The following CDH13 variants were observed in gnomAD, a reference collection of about 807,000 sequenced individuals.
The protein encoded by CDH13 is cadherin-13.
CDH13 carries 24 observed loss-of-function variants against 63.8 expected under a neutral mutation model. The ratio of observed to expected loss-of-function variants is 0.38; its 90% CI spans 0.27 to 0.53. The LOEUF is 0.53. CDH13 is among the 20% of genes least tolerant of loss of function. The probability of loss-of-function intolerance (pLI) is 0.85; values close to 1 mark genes in which losing one functional copy is unlikely to be tolerated. For synonymous variants in CDH13, 503 were observed against 355.3 expected (o/e 1.42, Z -4.67); for missense variants, 1,049 against 903.1 (o/e 1.16, Z -2.07).
chr16:83,226,147 C>T (rs1366079297), intron 5 of CDH13, among the ~76,000 whole-genome samples: 3 of 152,196 alleles, frequency 2.0e-5, no homozygotes, highest in Non-Finnish European at 4.4e-5. Flanking sequence ...CTCTGATCAC[C>T]TCCACCTGAC....
At chr16:83,086,322 C>T (rs1347686483) in intron 3 of CDH13, among the ~76,000 whole-genome samples, 1 of 152,220 alleles carries the variant, frequency 6.6e-6, no homozygotes, top group African/African-American at 2.4e-5. Flanking sequence ...TATTTCAATT[C>T]CAGATCTACC....
intron 2 of CDH13, among the ~76,000 whole-genome samples, chr16:82,968,459 G>A (rs954898304): frequency 6.6e-6 from 1 of 152,222 alleles, no homozygotes; most frequent in Non-Finnish European, 1.5e-5. Flanking sequence ...TTAAGTGACA[G>A]TTCTCCTAAG....
rs552378505 is a variant in CDH13 at position 83,521,280 on chromosome 16, C to T, written c.960+34625C>T. On this transcript the variant is annotated intron_variant, in intron 7 of 13. Coordinates refer to ENST00000567109, the MANE Select transcript of CDH13 (RefSeq NM_001257.5). Reference sequence around the variant, plus strand: ...TTATTATTTTAAGTTATAAAGTAATCGGCCACCCTGTATGACTGTGAGGTC... The same window carrying T: ...TTATTATTTTAAGTTATAAAGTAATTGGCCACCCTGTATGACTGTGAGGTC... 8.7e-4 allele frequency among the ~76,000 whole-genome samples: 132 copies of T among 151,922 alleles called. 2 individuals carry two copies. Among genetic ancestry groups the T allele is most frequent in the Admixed American group, 7.9e-3 (120 of 15,268 alleles).
intron 2 of CDH13, among the ~76,000 whole-genome samples, chr16:83,013,465 T>G (rs1004105358): frequency 4.6e-5 from 7 of 152,162 alleles, no homozygotes; most frequent in African/African-American, 1.7e-4. Flanking sequence ...AAGCAAGCCA[T>G]GAAGCCCACG....
chr16:82,760,545 T>C (rs1443652641), intron 1 of CDH13, among the ~76,000 whole-genome samples: 3 of 152,292 alleles, frequency 2.0e-5, no homozygotes, highest in South Asian at 2.1e-4. Context: ...GTACCAGTTA[T>C]ATGGTATTTA....
chr16:83,610,264 C>T (rs148288902), intron 8 of CDH13, among the ~76,000 whole-genome samples: 22 of 152,262 alleles, frequency 1.4e-4, no homozygotes, highest in African/African-American at 5.3e-4. Flanking sequence ...CATAATATCA[C>T]TCCAAATTAG....
intron 7 of CDH13, among the ~76,000 whole-genome samples, chr16:83,563,817 T>C (rs2055328596): frequency 6.6e-6 from 1 of 152,166 alleles, no homozygotes; most frequent in Admixed American, 6.5e-5. Context: ...AGAGCTGACC[T>C]ACCATCTCTC....
At chr16:82,972,231 A>G (rs1368402347) in intron 2 of CDH13, among the ~76,000 whole-genome samples, 3 of 151,514 alleles carry the variant, frequency 2.0e-5, no homozygotes, top group East Asian at 1.9e-4. Flanking sequence ...GGAGGACCCT[A>G]TGACAGAAAT....
intron 3 of CDH13, among the ~76,000 whole-genome samples, chr16:83,097,106 C>G (rs1332600244): frequency 6.6e-6 from 1 of 152,174 alleles, no homozygotes; most frequent in East Asian, 1.9e-4. Context: ...CTCATTCAAA[C>G]TCAGTTTTTC....
intron 6 of CDH13, among the ~76,000 whole-genome samples, chr16:83,450,160 AGAAAGTGCACATTCCC>A (rs1221073776): frequency 6.6e-6 from 1 of 152,196 alleles, no homozygotes; most frequent in Non-Finnish European, 1.5e-5. Flanking sequence ...CAGACGGTGG[AGAAAGTGCACATTCCC>A]AGATAGCTCC....
chr16:82,878,901 G>A (rs1416037960), intron 2 of CDH13, among the ~76,000 whole-genome samples: 1 of 152,066 alleles, frequency 6.6e-6, no homozygotes, highest in Non-Finnish European at 1.5e-5. Context: ...CAGCAGGCAG[G>A]CTTTTCAATG....
intron 3 of CDH13, among the ~76,000 whole-genome samples, chr16:83,070,788 C>A (rs2032372025): frequency 2.0e-5 from 3 of 149,986 alleles, no homozygotes; most frequent in South Asian, 2.1e-4. Flanking sequence ...CCTAGTTCAG[C>A]AAAGGAGTTG....
At chr16:83,411,224 A>C (rs78589141) in intron 6 of CDH13, among the ~76,000 whole-genome samples, 4,724 of 152,224 alleles carry the variant, frequency 0.031, 98 homozygotes, top group South Asian at 0.049. Flanking sequence ...AGCTGAGACC[A>C]CCTTGTTATT....
chr16:83,094,734 C>T (rs887720640), intron 3 of CDH13, among the ~76,000 whole-genome samples: 1 of 152,198 alleles, frequency 6.6e-6, no homozygotes, highest in Non-Finnish European at 1.5e-5. Context: ...TAACCAGTAA[C>T]AACTGTCTTC....
intron 4 of CDH13, among the ~76,000 whole-genome samples, chr16:83,149,112 C>T (rs1156407405): frequency 6.6e-6 from 1 of 152,112 alleles, no homozygotes; most frequent in Non-Finnish European, 1.5e-5. Context: ...ACATGTTACT[C>T]CAAGATACAG....
Position 83,047,789 on chromosome 16 carries a change from C to T in CDH13, c.366+15571C>T, listed in dbSNP as rs899134828. Among the ~76,000 whole-genome samples, 5 of 152,216 alleles carry T rather than the reference C, an allele frequency of 3.3e-5. No homozygotes were observed. The highest frequency in any genetic ancestry group is 2.1e-4 in the South Asian group (1 of 4,816). ...CAATTTATTTAGCTCAAACGTTGTG[C>T]GGGGCACCACTTTAAGTGCATTTCT... On this transcript the variant is annotated intron_variant, in intron 3 of 13. Transcript: ENST00000567109. This position sits in a 1 kb window ranked among gnomAD's most constrained non-coding sequence, Gnocchi z 4.9.
At chr16:83,565,882 C>T (rs192370574) in intron 7 of CDH13, among the ~76,000 whole-genome samples, 1 of 152,110 alleles carries the variant, frequency 6.6e-6, no homozygotes, top group East Asian at 1.9e-4. Flanking sequence ...TCTTTTCTGG[C>T]TTATGACTTT....
intron 4 of CDH13, among the ~76,000 whole-genome samples, chr16:83,140,954 T>C (rs757848521): frequency 1.3e-5 from 2 of 152,258 alleles, no homozygotes; most frequent in Non-Finnish European, 2.9e-5. Flanking sequence ...TCTTGGTCTA[T>C]TGATGCACAA....
chr16:82,972,665 C>T (rs1908933298), intron 2 of CDH13, among the ~76,000 whole-genome samples: 1 of 152,134 alleles, frequency 6.6e-6, no homozygotes, highest in Non-Finnish European at 1.5e-5. Context: ...GCATTTAACA[C>T]ATAGTAGCTG....
Sources: gnomAD v4.1 joint callset for allele counts (sites outside exome capture counted in the v4.1 genomes callset) on GRCh38, gnomAD v4.1.1 for gene constraint, Gnocchi (gnomAD v3.1) non-coding constraint, MANE v1.5 for transcripts, NCBI Gene and HGNC (gene_info 2026-07-23, HGNC 2026-07-21) for gene names.